The following ADAMTS6 variants were observed in gnomAD, a reference collection of about 807,000 sequenced individuals.
The protein encoded by ADAMTS6 is A disintegrin and metalloproteinase with thrombospondin motifs 6.
ADAMTS6 carries 23 observed loss-of-function variants against 144.3 expected under a neutral mutation model. The ratio of observed to expected loss-of-function variants is 0.16; its 90% confidence interval spans 0.11 to 0.23. The LOEUF (loss-of-function observed/expected upper bound fraction) is 0.23. ADAMTS6 is among the 10% of genes least tolerant of loss of function. The pLI, the probability that ADAMTS6 is intolerant of heterozygous loss-of-function variation, is 1.00. For synonymous variants in ADAMTS6, 444 were observed against 457.5 expected (o/e 0.97, Z 0.38); for missense variants, 999 against 1,379.6 (o/e 0.72, Z 4.37).
At chr5:65,420,197 C>G (rs532974018) in intron 7 of ADAMTS6, among the ~76,000 whole-genome samples, 26 of 152,248 alleles carry the variant, frequency 1.7e-4, no homozygotes, top group Non-Finnish European at 3.5e-4. Flanking sequence ...ATCATGAGAA[C>G]AGTATGGGGG....
chr5:65,300,684 T>C (rs1384117409), intron 9 of ADAMTS6, among the ~76,000 whole-genome samples: 1 of 151,886 alleles, frequency 6.6e-6, no homozygotes, highest in African/African-American at 2.4e-5. Context: ...CAGGCTGGAG[T>C]GCAGTGGCGC....
At chr5:65,372,324 G>A (rs1454350136) in intron 7 of ADAMTS6, among the ~76,000 whole-genome samples, 4 of 151,828 alleles carry the variant, frequency 2.6e-5, no homozygotes, top group Non-Finnish European at 5.9e-5. Context: ...ATTGGATAAA[G>A]AGTCAAGACC....
At chr5:65,339,416 A>G (rs4260623) in intron 7 of ADAMTS6, among the ~76,000 whole-genome samples, 5,014 of 151,756 alleles carry the variant, frequency 0.033, 143 homozygotes, top group East Asian at 0.083. Flanking sequence ...TACCAGTTGC[A>G]CAGAAATCAA....
At chr5:65,465,387 T>A (rs2150273526) in intron 3 of ADAMTS6, among the ~76,000 whole-genome samples, 1 of 152,322 alleles carries the variant, frequency 6.6e-6, no homozygotes, top group South Asian at 2.1e-4. Flanking sequence ...AATTATTCTA[T>A]TTGTGTGGAA....
intron 1 of ADAMTS6, among the ~76,000 whole-genome samples, chr5:65,477,000 C>T (rs186594884): frequency 6.6e-6 from 1 of 152,266 alleles, no homozygotes; most frequent in East Asian, 1.9e-4. Flanking sequence ...GAAATTACTT[C>T]TACACTAATT....
intron 20 of ADAMTS6, among the ~76,000 whole-genome samples, chr5:65,204,616 C>T (rs1328476832): frequency 1.3e-5 from 2 of 152,054 alleles, no homozygotes; most frequent in Non-Finnish European, 2.9e-5. Context: ...CAGTGACAGA[C>T]CATTGTCTAG....
intron 7 of ADAMTS6, among the ~76,000 whole-genome samples, chr5:65,398,858 G>GAAAA (rs1753671932): frequency 1.3e-5 from 2 of 149,778 alleles, no homozygotes; most frequent in South Asian, 2.1e-4. Context: ...GAAAAAGAAA[G>GAAAA]AGAAAGAAAG....
chr5:65,168,970 C>T (rs1433392005), intron 24 of ADAMTS6, among the ~76,000 whole-genome samples: 11 of 143,074 alleles, frequency 7.7e-5, no homozygotes, highest in African/African-American at 2.6e-4. Flanking sequence ...AGGACATAGG[C>T]GTGGGCAAGG....
intron 7 of ADAMTS6, among the ~76,000 whole-genome samples, chr5:65,406,273 G>C (rs1754475092): frequency 1.3e-5 from 2 of 152,104 alleles, no homozygotes; most frequent in South Asian, 4.1e-4. Flanking sequence ...GTATGATATT[G>C]GCTGTGGGTT....
chr5:65,352,388 A>G (rs1272262053), intron 7 of ADAMTS6, among the ~76,000 whole-genome samples: 1 of 152,130 alleles, frequency 6.6e-6, no homozygotes, highest in African/African-American at 2.4e-5. Context: ...GAAATATGGC[A>G]CCAATTTCCA....
intron 7 of ADAMTS6, among the ~76,000 whole-genome samples, chr5:65,423,312 G>A (rs1756230093): frequency 6.6e-6 from 1 of 152,062 alleles, no homozygotes; most frequent in Non-Finnish European, 1.5e-5. Flanking sequence ...TACTTCAAAA[G>A]CTATTGAAAT....
chr5:65,457,874 G>A (rs1389482593), intron 4 of ADAMTS6, among the ~76,000 whole-genome samples: 2 of 150,788 alleles, frequency 1.3e-5, no homozygotes, highest in African/African-American at 4.9e-5. Context: ...CTACAGGCGC[G>A]TGCCACGACG....
intron 7 of ADAMTS6, among the ~76,000 whole-genome samples, chr5:65,393,263 G>A (rs1753072475): frequency 6.6e-6 from 1 of 152,132 alleles, no homozygotes; most frequent in African/African-American, 2.4e-5. Flanking sequence ...TAGGAAAAAT[G>A]TCATTGCAAA....
In ADAMTS6 at chr5:65,398,764, A is replaced by AGC. The variant is rs1252190515; in HGVS notation, c.1073+52710_1073+52711insGC. Among the ~76,000 whole-genome samples, 241 of 148,806 alleles carry AGC rather than the reference A, an allele frequency of 1.6e-3. 2 individuals are homozygous for AGC. Among genetic ancestry groups the AGC allele is most frequent in the African/African-American group, 5.8e-3 (235 of 40,458 alleles). On this transcript the variant is annotated intron_variant, in intron 7 of 24. Transcript: ENST00000381055. ...GAGAGATAAAGAGAGAAAGAGAGAG[A>AGC]GAGAAAGAAGAGAGAGCAAGAAAGA...
intron 11 of ADAMTS6, among the ~76,000 whole-genome samples, chr5:65,280,068 G>A (rs1477732077): frequency 6.6e-6 from 1 of 152,168 alleles, no homozygotes; most frequent in East Asian, 1.9e-4. Context: ...GGCTGTATAT[G>A]GTTTTACTTT....
At chr5:65,370,555 G>A (rs569887119) in intron 7 of ADAMTS6, among the ~76,000 whole-genome samples, 92 of 152,244 alleles carry the variant, frequency 6.0e-4, no homozygotes, top group African/African-American at 2.1e-3. Flanking sequence ...CCCAAATACC[G>A]CGCTTTTCCG....
intron 14 of ADAMTS6, among the ~76,000 whole-genome samples, chr5:65,247,350 A>T (rs1759719187): frequency 6.7e-6 from 1 of 149,368 alleles, no homozygotes; most frequent in Non-Finnish European, 1.5e-5. Context: ...AGACAAATCT[A>T]AAAAAAGGAA....
chr5:65,262,736 A>G (rs1761305326), intron 13 of ADAMTS6, 81 bp downstream of exon 13: 2 of 1,402,200 alleles, frequency 1.4e-6, no homozygotes, highest in South Asian at 3.4e-5. Context: ...AAACGTTTTT[A>G]CAGATAACAT....
At chr5:65,294,853 C>G (rs562325337) in intron 10 of ADAMTS6, among the ~76,000 whole-genome samples, 24 of 151,800 alleles carry the variant, frequency 1.6e-4, no homozygotes, top group Non-Finnish European at 2.9e-4. Context: ...CCAAAGGTAA[C>G]TACTATCCTA....
Sources: gnomAD v4.1 joint callset for allele counts (sites outside exome capture counted in the v4.1 genomes callset) on GRCh38, gnomAD v4.1.1 for gene constraint, MANE v1.5 for transcripts, NCBI Gene and HGNC (gene_info 2026-07-23, HGNC 2026-07-21) for gene names.